FAM193B: variants seen among roughly 807,000 people sequenced by gnomAD.
FAM193B encodes protein FAM193B.
Under a neutral mutation model 70.7 loss-of-function variants are expected in FAM193B, and 27 were observed. The ratio of observed to expected loss-of-function variants is 0.38; its 90% CI spans 0.28 to 0.53. The LOEUF (loss-of-function observed/expected upper bound fraction) is 0.53, where lower values mean the gene tolerates loss of function less well. Ranked by LOEUF, FAM193B falls within the 20% of genes least tolerant of loss-of-function variation. The pLI is 0.81. For missense variants in FAM193B, 1,022 were observed against 1,072.5 expected, an observed-to-expected ratio of 0.95 and a Z score of 0.66; for synonymous variants, 448 against 436.0, an observed-to-expected ratio of 1.03 and a Z score of -0.34.
chr5:177,536,558 C>T lies in FAM193B; in HGVS notation c.876G>A (p.Glu292=). 1 of 1,538,128 alleles carries T rather than the reference C, an allele frequency of 6.5e-7. No individual in the cohort carries two copies. The highest frequency in any genetic ancestry group is 8.7e-7 in the Non-Finnish European group (1 of 1,149,826). Residue 292 remains glutamate (E), a synonymous_variant, in exon 4 of 9, where the codon GAG becomes GAA. Transcript: ENST00000514747. ...GGGCAGTGGCAGCAGCAACAGGGCA[C>T]TCTGAAGCCTGGGCAGGGAAAGGTG... ...PAAPFPAQAS[E]CPVAAATAPH...
chr5:177,550,051 G>A (rs335422), intron 1 of FAM193B, among the ~76,000 whole-genome samples: 127,122 of 152,122 alleles, frequency 0.84, 55,015 homozygotes, highest in Non-Finnish European at 0.94. Flanking sequence ...GTAGTGGCAT[G>A]CACATGTAGT....
chr5:177,539,171 T>A, intron 1 of FAM193B, 24 bp from the exon 2 acceptor site: 1 of 1,527,392 alleles, frequency 6.5e-7, no homozygotes. Context: ...AGAAACAGGG[T>A]TTCCCAGGAG....
intron 5 of FAM193B, among the ~76,000 whole-genome samples, chr5:177,529,971 AGGAT>A (rs1001859814): frequency 6.6e-6 from 1 of 152,200 alleles, no homozygotes; most frequent in African/African-American, 2.4e-5. Context: ...GGGCTGAAAA[AGGAT>A]GGTGAATCAC....
In FAM193B at chr5:177,520,106, G is replaced by A. The variant is rs8900; in HGVS notation, c.*77C>T. 0.23 allele frequency: 35,147 copies of A among 152,312 alleles called. 4,906 individuals carry two copies. The highest frequency in any genetic ancestry group is 0.35 in the South Asian group (1,706 of 4,820). 9.4% of individuals were successfully genotyped at this position (152,312 alleles called of 1,614,324 possible). A position where few individuals can be genotyped will look rare whatever the true frequency, so the allele number is the denominator to read the frequency against. Reference sequence around the variant, plus strand: ...TCTTGGACGGGTAGGTGGGGCACACGGAGGGAAAAATTATACGCCTTCAGC... The same window carrying A: ...TCTTGGACGGGTAGGTGGGGCACACAGAGGGAAAAATTATACGCCTTCAGC... On this transcript the variant is annotated 3_prime_UTR_variant, in exon 9 of 9. Coordinates refer to ENST00000514747, the MANE Select transcript of FAM193B (RefSeq NM_001190946.3).
chr5:177,529,354 G>A (rs776449237), intron 5 of FAM193B, among the ~76,000 whole-genome samples: 2 of 152,006 alleles, frequency 1.3e-5, no homozygotes, highest in Non-Finnish European at 2.9e-5. Flanking sequence ...CTTTGGTGGA[G>A]AGCCAGACTG....
chr5:177,519,877 A>G lies in FAM193B; in HGVS notation c.*306T>C, dbSNP rs1317750125. 3 of 152,250 alleles carry G rather than the reference A, an allele frequency of 2.0e-5. No individual in the cohort carries two copies. The highest frequency in any genetic ancestry group is 4.4e-5 in the Non-Finnish European group (3 of 68,056). 9.4% of individuals were successfully genotyped at this position (152,250 alleles called of 1,614,324 possible). On this transcript the variant is annotated 3_prime_UTR_variant, in exon 9 of 9. Transcript: ENST00000514747. Reference sequence around the variant, plus strand: ...ATTGGAAAAAAACAAAATAAAAACAAAAACAAAAAAACCAAACACAAAGAG... The same window carrying G: ...ATTGGAAAAAAACAAAATAAAAACAGAAACAAAAAAACCAAACACAAAGAG...
chr5:177,531,346 G>A (rs1442487426), intron 5 of FAM193B: 5 of 1,361,358 alleles, frequency 3.7e-6, no homozygotes, highest in South Asian at 2.3e-5. Flanking sequence ...TTTGGGCTCC[G>A]TGCTGTTGAT....
Position 177,554,511 on chromosome 5 carries a change from C to T in FAM193B, c.-53G>A. 1 of 895,640 alleles carries T rather than the reference C, an allele frequency of 1.1e-6. No individual in the cohort carries two copies. Among genetic ancestry groups the T allele is most frequent in the Non-Finnish European group, 1.3e-6 (1 of 745,570 alleles). 55.5% of individuals were successfully genotyped at this position (895,640 alleles called of 1,614,324 possible). On this transcript the variant is annotated 5_prime_UTR_variant, in exon 1 of 9. Coordinates refer to ENST00000514747, the MANE Select transcript of FAM193B (RefSeq NM_001190946.3). ...CACACGCCGCCGCCGCCGCCGCCGC[C>T]GCCGCCGCCGCCGCCGCCGCTACCG...
chr5:177,523,825 G>A lies in FAM193B; in HGVS notation c.2372+132C>T, dbSNP rs555115202. 2.2e-5 allele frequency: 20 copies of A among 926,362 alleles called. No homozygotes were observed. In the Admixed American group the frequency reaches 3.5e-4, roughly 16 times the overall value. 57.4% of individuals were successfully genotyped at this position (926,362 alleles called of 1,614,324 possible). A position where few individuals can be genotyped will look rare whatever the true frequency, so the allele number is the denominator to read the frequency against. On this transcript the variant is annotated intron_variant, in intron 7 of 8. Transcript: ENST00000514747. ...AGGCTGGTGGGAGAGGGCCTGGGGG[G>A]GCGGTGAGCCTCCCCAAGGGGTCAG...
rs760189113 is a variant in FAM193B at position 177,524,719 on chromosome 5, TGA to T, written c.1760_1761del (p.Leu587GlnfsTer39). The T allele has an allele frequency of 6.3e-7, 1 of 1,577,960 alleles. No homozygotes were observed. The highest frequency in any genetic ancestry group is 1.8e-5 in the Admixed American group (1 of 54,072). On this transcript the variant is annotated frameshift_variant, in exon 6 of 9. Coordinates refer to ENST00000514747, the MANE Select transcript of FAM193B (RefSeq NM_001190946.3). LOFTEE classifies it high-confidence loss of function. ...ACCCGGGATAGGTTGGGCACGGTGTTGAGTCTCCTCACGAGCCCGTTCTCGGG... is the reference window on the plus strand; with the variant it reads ...ACCCGGGATAGGTTGGGCACGGTGTTGTCTCCTCACGAGCCCGTTCTCGGG... ...IVPENGLVRR[L>X]NTVPNLSRVI... is the part of the protein sequence containing the mutation.
chr5:177,520,380 A>G (rs1761532810), intron 8 of FAM193B, among the ~76,000 whole-genome samples, 199 bp from the exon 9 acceptor site: 1 of 152,240 alleles, frequency 6.6e-6, no homozygotes, highest in Non-Finnish European at 1.5e-5. Flanking sequence ...ACAGAGCCCC[A>G]GTCCCAGGAT....
At chr5:177,540,814 C>T (rs1227328992) in intron 1 of FAM193B, among the ~76,000 whole-genome samples, 1 of 152,170 alleles carries the variant, frequency 6.6e-6, no homozygotes, top group African/African-American at 2.4e-5. Flanking sequence ...ACTTACCCAA[C>T]ACTGGGTAAC....
chr5:177,531,894 A>T, intron 5 of FAM193B: 1 of 1,188,704 alleles, frequency 8.4e-7, no homozygotes, highest in Non-Finnish European at 1.1e-6. Flanking sequence ...CAATTTAATT[A>T]CTTTCATTTC....
intron 4 of FAM193B, among the ~76,000 whole-genome samples, chr5:177,535,568 G>A (rs1764069884): frequency 6.6e-6 from 1 of 152,198 alleles, no homozygotes; most frequent in South Asian, 2.1e-4. Flanking sequence ...TTAGGTGCAG[G>A]GATGCTTATT....
At chr5:177,527,246 G>A (rs1358489854) in intron 5 of FAM193B, among the ~76,000 whole-genome samples, 1 of 150,140 alleles carries the variant, frequency 6.7e-6, no homozygotes, top group Admixed American at 6.6e-5. Context: ...TTTTTTGGGG[G>A]ATGTGGGGGT....
At chr5:177,550,227 G>A (rs1032541921) in intron 1 of FAM193B, among the ~76,000 whole-genome samples, 9 of 152,134 alleles carry the variant, frequency 5.9e-5, no homozygotes, top group South Asian at 2.1e-4. Flanking sequence ...TATATAGTGA[G>A]TCTCTACTGG....
In FAM193B at chr5:177,521,988, C is replaced by T. The variant is rs770654965; in HGVS notation, c.2456G>A (p.Ser819Asn). 2.5e-5 allele frequency: 41 copies of T among 1,613,756 alleles called. No homozygotes were observed. In the Admixed American group the frequency reaches 6.8e-4, roughly 27 times the overall value. ...GGTCTCTGTACCTCACTGAGCTGTG[C>T]TAGGAGTGGTTTTCTTGAGGCTGAA... ...TNFSLKKTTP[S>N]TAQ Residue 819 changes from serine to asparagine, a missense_variant, in exon 8 of 9, where the codon AGC (serine) becomes AAC (asparagine). Physicochemically the swap from Ser to Asn is conservative, Grantham distance 46 (BLOSUM62 1). Transcript: ENST00000514747.
At chr5:177,522,183 C>A in intron 7 of FAM193B, 112 bp from the exon 8 acceptor site, 1 of 829,820 alleles carries the variant, frequency 1.2e-6, no homozygotes, top group Non-Finnish European at 2.0e-6. Flanking sequence ...CTCTACAAAA[C>A]CTCTTTGGCT....
chr5:177,532,371 G>A lies in FAM193B; in HGVS notation c.1275+72C>T. ...CCACCGTGAGCAACGGGGTCTCTGG[G>A]GAGAGCAGGGTGCTCCTTTTGCTCA... is the stretch of plus-strand genomic sequence containing the variant. On this transcript the variant is annotated intron_variant, in intron 5 of 8. Coordinates refer to ENST00000514747, the MANE Select transcript of FAM193B (RefSeq NM_001190946.3). This position sits in a 1 kb window ranked among gnomAD's most constrained non-coding sequence, Gnocchi z 4.9. 1 of 1,535,314 alleles carries A rather than the reference G, an allele frequency of 6.5e-7. No homozygotes were observed. The highest frequency in any genetic ancestry group is 1.2e-5 in the South Asian group (1 of 81,052).
Sources: gnomAD v4.1 joint callset for allele counts (sites outside exome capture counted in the v4.1 genomes callset) on GRCh38, gnomAD v4.1.1 for gene constraint, Gnocchi (gnomAD v3.1) non-coding constraint, MANE v1.5 for transcripts, NCBI Gene and HGNC (gene_info 2026-07-23, HGNC 2026-07-21) for gene names.